Variants in SAV1 observed in about 807,000 individuals in gnomAD.
SAV1 encodes the protein salvador family WW domain containing protein 1.
A neutral mutation model predicts 47.3 loss-of-function variants in SAV1; 23 were observed. The observed-to-expected ratio is 0.49, with a 90% CI of 0.35 to 0.69. SAV1 has a LOEUF of 0.69. SAV1 is among the 30% of genes least tolerant of loss of function. SAV1 has a pLI of 0.01. For synonymous variants in SAV1, 155 were observed against 159.2 expected, an observed-to-expected ratio of 0.97 and a Z score of 0.20; for missense variants, 448 against 457.4, an observed-to-expected ratio of 0.98 and a Z score of 0.19.
chr14:50,664,867 C>G (rs1312407778), intron 2 of SAV1: 1 of 183,232 alleles, frequency 5.5e-6, no homozygotes, highest in Non-Finnish European at 1.1e-5. Context: ...CAAACCTAAA[C>G]CTAAATTCAG....
chr14:50,641,043 T>G lies in SAV1; in HGVS notation c.807-150A>C, dbSNP rs2039677778. Reference sequence around the variant, plus strand: ...TGAAAGGTAATGTATTTTTAAGATATTTCTTCTGGCTGGTATTTAGTCTTT... The same window carrying G: ...TGAAAGGTAATGTATTTTTAAGATAGTTCTTCTGGCTGGTATTTAGTCTTT... On this transcript the variant is annotated intron_variant, in intron 3 of 4. Transcript: ENST00000324679. 4.6e-6 allele frequency: 3 copies of G among 646,924 alleles called. No homozygotes were observed. The South Asian group carries it at 1.0e-4, about 22-fold the overall frequency. 40.1% of individuals were successfully genotyped at this position (646,924 alleles called of 1,614,324 possible).
chr14:50,642,135 G>C (rs2039685205), intron 3 of SAV1, among the ~76,000 whole-genome samples: 1 of 152,082 alleles, frequency 6.6e-6, no homozygotes, highest in Non-Finnish European at 1.5e-5. Context: ...CATGTTGATA[G>C]GTAGGAGCTA....
intron 2 of SAV1, among the ~76,000 whole-genome samples, chr14:50,651,367 G>T (rs1207845063): frequency 6.6e-6 from 1 of 152,074 alleles, no homozygotes; most frequent in Non-Finnish European, 1.5e-5. Flanking sequence ...ATAAAATTGG[G>T]TATTTACAGG....
chr14:50,634,822 C>T lies in SAV1; in HGVS notation c.*361G>A, dbSNP rs534655269. 28 of 174,690 alleles carry T rather than the reference C, an allele frequency of 1.6e-4. No homozygotes were observed. The highest frequency in any genetic ancestry group is 6.0e-4 in the African/African-American group (25 of 41,518). 10.8% of individuals were successfully genotyped at this position (174,690 alleles called of 1,614,324 possible). On this transcript the variant is annotated 3_prime_UTR_variant, in exon 5 of 5. Transcript: ENST00000324679. ...GTAAACTTTTTTTTTAAAAAAATAC[C>T]GCAGATTCTTTTTTTTTTTTAAAGA...
At chr14:50,636,424 C>T (rs918114435) in intron 4 of SAV1, among the ~76,000 whole-genome samples, 4 of 152,066 alleles carry the variant, frequency 2.6e-5, no homozygotes, top group Non-Finnish European at 4.4e-5. Flanking sequence ...TCTAAAAAAA[C>T]AAACAGGAAA....
rs201347087 is a variant in SAV1 at position 50,665,419 on chromosome 14, G to A, written c.295C>T (p.Leu99Phe). The A allele has an allele frequency of 1.9e-5, 30 of 1,612,888 alleles. No individual in the cohort carries two copies. The highest frequency in any genetic ancestry group is 3.3e-4 in the Middle Eastern group (2 of 6,056). ...ESNRLSAPSY[L>F]ARSLADVPRE... ...GGGACATCTGCTAGACTTCTGGCAA[G>A]ATAAGAAGGTGCAGATAATCTGTTG... Residue 99 changes from leucine (L) to phenylalanine (F), a missense_variant, in exon 2 of 5, where the codon CTT becomes TTT. Transcript: ENST00000324679.
chr14:50,653,696 C>A (rs1201411780), intron 2 of SAV1, among the ~76,000 whole-genome samples: 1 of 152,030 alleles, frequency 6.6e-6, no homozygotes, highest in Non-Finnish European at 1.5e-5. Flanking sequence ...TGGTGAAACC[C>A]TGTCTCTACT....
chr14:50,664,174 TC>T (rs1385679028), intron 2 of SAV1: 2 of 152,174 alleles, frequency 1.3e-5, no homozygotes, highest in East Asian at 1.9e-4. Flanking sequence ...TGGTTTTGTT[TC>T]CACAAATAAG....
At chr14:50,642,934 T>C (rs1417842451) in intron 3 of SAV1, among the ~76,000 whole-genome samples, 1 of 152,192 alleles carries the variant, frequency 6.6e-6, no homozygotes, top group Non-Finnish European at 1.5e-5. Flanking sequence ...TTACAAACTA[T>C]GTAAATGTAA....
At chr14:50,656,592 GCCA>G (rs1245240310) in intron 2 of SAV1, among the ~76,000 whole-genome samples, 4 of 151,602 alleles carry the variant, frequency 2.6e-5, no homozygotes, top group African/African-American at 9.7e-5. Context: ...ACAGGCACCC[GCCA>G]CCACACCTGG....
intron 2 of SAV1, among the ~76,000 whole-genome samples, chr14:50,649,447 T>A (rs779534577): frequency 6.6e-6 from 1 of 152,162 alleles, no homozygotes. Flanking sequence ...ATAAAGACAG[T>A]GTAGTATTAG....
intron 2 of SAV1, among the ~76,000 whole-genome samples, chr14:50,654,752 C>T (rs2039798533): frequency 6.6e-6 from 1 of 152,086 alleles, no homozygotes; most frequent in African/African-American, 2.4e-5. Flanking sequence ...CTGCCAAAAA[C>T]CAATAATAGA....
intron 2 of SAV1, among the ~76,000 whole-genome samples, chr14:50,653,786 T>C (rs528592220): frequency 1.1e-4 from 17 of 152,092 alleles, no homozygotes; most frequent in African/African-American, 4.1e-4. Context: ...GCAGAATTGC[T>C]TGAACCTGGG....
At chr14:50,643,827 C>T (rs1302508787) in intron 3 of SAV1, among the ~76,000 whole-genome samples, 1 of 152,144 alleles carries the variant, frequency 6.6e-6, no homozygotes, top group East Asian at 1.9e-4. Flanking sequence ...AATGATAAAG[C>T]TTAGTTTTCC....
chr14:50,666,372 C>T (rs1003080655), intron 1 of SAV1, among the ~76,000 whole-genome samples: 5 of 152,152 alleles, frequency 3.3e-5, no homozygotes, highest in African/African-American at 1.2e-4. Context: ...TTGAAAACAG[C>T]TTAAGACATT....
chr14:50,655,022 T>C (rs866816092), intron 2 of SAV1, among the ~76,000 whole-genome samples: 5 of 152,084 alleles, frequency 3.3e-5, no homozygotes, highest in Admixed American at 1.3e-4. Flanking sequence ...ATGGTGACAA[T>C]AAAACAGAAC....
chr14:50,640,242 C>T (rs1213616194), intron 4 of SAV1, among the ~76,000 whole-genome samples: 1 of 152,192 alleles, frequency 6.6e-6, no homozygotes, highest in Non-Finnish European at 1.5e-5. Context: ...CCTCAGCCTC[C>T]CAAGTACTTG....
At chr14:50,664,274 A>AT (rs1173332588) in intron 2 of SAV1, 2 of 151,686 alleles carry the variant, frequency 1.3e-5, no homozygotes, top group Non-Finnish European at 2.9e-5. Flanking sequence ...AAATGAATAA[A>AT]TTTTTTCTAC....
At chr14:50,647,516 T>C (rs913195474) in intron 2 of SAV1, among the ~76,000 whole-genome samples, 1 of 152,062 alleles carries the variant, frequency 6.6e-6, no homozygotes, top group Non-Finnish European at 1.5e-5. Flanking sequence ...TCATCATGCC[T>C]GTGAACAGCT....
Sources: gnomAD v4.1 joint callset for allele counts (sites outside exome capture counted in the v4.1 genomes callset) on GRCh38, gnomAD v4.1.1 for gene constraint, MANE v1.5 for transcripts, NCBI Gene and HGNC (gene_info 2026-07-23, HGNC 2026-07-21) for gene names.